Variants in TANC1 observed in about 807,000 individuals in gnomAD.
TANC1 encodes protein TANC1.
A neutral mutation model predicts 149.7 loss-of-function variants in TANC1; 77 were observed. That is an observed-to-expected ratio of 0.51 (90% confidence interval 0.43 to 0.62). TANC1 has a LOEUF of 0.62. Ranked by LOEUF, TANC1 falls within the 20% of genes least tolerant of loss-of-function variation. The probability of loss-of-function intolerance (pLI) is 0.00; values close to 1 mark genes in which losing one functional copy is unlikely to be tolerated. For missense variants in TANC1, 1,985 were observed against 2,321.8 expected, an observed-to-expected ratio of 0.85 and a Z score of 2.98; for synonymous variants, 854 against 925.0, an observed-to-expected ratio of 0.92 and a Z score of 1.39.
chr2:159,004,233 C>T, intron 2 of TANC1: 1 of 1,612,294 alleles, frequency 6.2e-7, no homozygotes, highest in Non-Finnish European at 8.5e-7. Context: ...CAGTAAAGCA[C>T]CAAAACCAGA....
At chr2:159,208,937 G>T (rs752353650) in intron 19 of TANC1, among the ~76,000 whole-genome samples, 1 of 152,228 alleles carries the variant, frequency 6.6e-6, no homozygotes, top group East Asian at 1.9e-4. Context: ...ACTGTAGGCA[G>T]CTATAACACA....
At chr2:159,143,204 G>A (rs2051621039) in intron 5 of TANC1, among the ~76,000 whole-genome samples, 2 of 152,004 alleles carry the variant, frequency 1.3e-5, no homozygotes, top group Admixed American at 6.6e-5. Flanking sequence ...CATTGAGCTT[G>A]ATGGTTTCCC....
At chr2:159,123,817 T>G (rs930603457) in intron 4 of TANC1, among the ~76,000 whole-genome samples, 1 of 152,176 alleles carries the variant, frequency 6.6e-6, no homozygotes, top group Non-Finnish European at 1.5e-5. Context: ...TTTACTTCGT[T>G]TAGGAAATGG....
intron 3 of TANC1, among the ~76,000 whole-genome samples, chr2:159,087,773 C>T (rs2045087915): frequency 6.6e-6 from 1 of 150,802 alleles, no homozygotes; most frequent in African/African-American, 2.4e-5. Flanking sequence ...AAGTCTCAAC[C>T]CTTGATACCT....
At chr2:158,987,041 TAA>T (rs528717919) in intron 1 of TANC1, among the ~76,000 whole-genome samples, 22 of 138,004 alleles carry the variant, frequency 1.6e-4, no homozygotes, top group African/African-American at 3.5e-4. Context: ...TGTCTCTACT[TAA>T]AAAAAAAAAA....
intron 3 of TANC1, among the ~76,000 whole-genome samples, chr2:159,072,477 T>G (rs2043236848): frequency 6.6e-6 from 1 of 152,226 alleles, no homozygotes; most frequent in African/African-American, 2.4e-5. Context: ...TTCTTAACCT[T>G]GATTAAACTA....
Position 159,134,343 on chromosome 2 carries a change from C to T in TANC1, c.260-1851C>T, listed in dbSNP as rs562000807. Among the ~76,000 whole-genome samples, 6 of 152,266 alleles carry T rather than the reference C, an allele frequency of 3.9e-5. No individual in the cohort carries two copies. In the South Asian group the frequency reaches 6.2e-4, roughly 16 times the overall value. On this transcript the variant is annotated intron_variant, in intron 4 of 26. Transcript: ENST00000263635. ...TTTTTGAGACAGGGTTTCACCCTGT[C>T]GCCCAGGCTAGAATGCAGTGGTGTG... is the stretch of plus-strand genomic sequence containing the variant.
chr2:159,229,357 G>T (rs1231883707), intron 26 of TANC1, among the ~76,000 whole-genome samples: 1 of 152,064 alleles, frequency 6.6e-6, no homozygotes, highest in East Asian at 1.9e-4. Context: ...GGTCTTTATG[G>T]AGAGCAGGGC....
Position 159,186,994 on chromosome 2 carries a change from T to C in TANC1, c.2712T>C (p.Ser904=), listed in dbSNP as rs763590805. The change falls in exon 16 of 27, where the codon TCT becomes TCC. Residue 904 remains serine, a synonymous_variant. Transcript: ENST00000263635. ...STEGLSAALA[S]LRNLYTPNVK... ...AGGGGCTGTCCGCCGCCCTGGCCTCTCTCAGGAATCTCTATACTCCCAACG... is the reference window on the plus strand; with the variant it reads ...AGGGGCTGTCCGCCGCCCTGGCCTCCCTCAGGAATCTCTATACTCCCAACG... 2.5e-6 allele frequency: 4 copies of C among 1,614,068 alleles called. No individual in the cohort carries two copies. The highest frequency in any genetic ancestry group is 3.4e-6 in the Non-Finnish European group (4 of 1,180,036).
chr2:159,106,579 G>A (rs1248955850), intron 4 of TANC1, among the ~76,000 whole-genome samples: 1 of 152,168 alleles, frequency 6.6e-6, no homozygotes. Context: ...TCTTCCATTG[G>A]TGGGTATTTT....
chr2:159,052,424 T>A (rs1006008225), intron 2 of TANC1, among the ~76,000 whole-genome samples: 1 of 152,168 alleles, frequency 6.6e-6, no homozygotes, highest in African/African-American at 2.4e-5. Flanking sequence ...CCTGCTAATG[T>A]GTGCCAATCA....
At chr2:159,178,407 T>C (rs1000649765) in intron 13 of TANC1, 149 bp from the exon 14 acceptor site, 8 of 905,098 alleles carry the variant, frequency 8.8e-6, no homozygotes, top group African/African-American at 3.4e-5. Flanking sequence ...CACCTTATCC[T>C]ATTACACGTT....
chr2:159,230,177 G>T lies in TANC1; in HGVS notation c.4751G>T (p.Gly1584Val), dbSNP rs2060262992. The T allele has an allele frequency of 6.2e-7, 1 of 1,613,990 alleles. No individual in the cohort carries two copies. Among genetic ancestry groups the T allele is most frequent in the Non-Finnish European group, 8.5e-7 (1 of 1,180,048 alleles). ...GGGAGCAGAACCCAGCATTTAGAGG[G>T]AACAGGTACTTTCACTACAAGAGCT... ...PAGSRTQHLE[G>V]TGTFTTRAGC... The change falls in exon 27 of 27, where the codon GGA (glycine) becomes GTA (valine). Residue 1584 changes from glycine (G) to valine (V), a missense_variant. By Grantham distance (109) the Gly-to-Val change is moderately radical. This residue lies in a region of TANC1 where 920 missense variants were observed against 994.7 expected (regional missense o/e 0.92). Transcript: ENST00000263635. The surrounding 1 kb of genome is among the most constrained non-coding windows in gnomAD (Gnocchi z 4.4).
chr2:159,117,124 A>G (rs1457014866), intron 4 of TANC1, among the ~76,000 whole-genome samples: 1 of 152,186 alleles, frequency 6.6e-6, no homozygotes, highest in Non-Finnish European at 1.5e-5. Context: ...TGAGGGTGAA[A>G]GGACTGTCAG....
intron 2 of TANC1, among the ~76,000 whole-genome samples, chr2:159,063,132 A>G (rs1255498943): frequency 1.3e-5 from 2 of 152,140 alleles, no homozygotes; most frequent in Admixed American, 1.3e-4. Context: ...TTGCAGACTA[A>G]GAAAGGAGCC....
At chr2:159,136,553 A>G (rs2050767344) in intron 5 of TANC1, among the ~76,000 whole-genome samples, 1 of 152,198 alleles carries the variant, frequency 6.6e-6, no homozygotes, top group Admixed American at 6.5e-5. Context: ...CTGAATTTTG[A>G]CCTACCAGGT....
chr2:159,094,621 C>T (rs1399847413), intron 3 of TANC1, among the ~76,000 whole-genome samples: 6 of 152,204 alleles, frequency 3.9e-5, no homozygotes, highest in South Asian at 4.1e-4. Flanking sequence ...TGGGAAAACT[C>T]GTGACCTGGC....
chr2:159,114,602 CAT>C (rs1038508668), intron 4 of TANC1, among the ~76,000 whole-genome samples: 1 of 152,130 alleles, frequency 6.6e-6, no homozygotes, highest in Non-Finnish European at 1.5e-5. Flanking sequence ...GAGCAAGAAA[CAT>C]ATATCAGACT....
chr2:158,983,688 A>G (rs996340051), intron 1 of TANC1, among the ~76,000 whole-genome samples: 6 of 152,210 alleles, frequency 3.9e-5, no homozygotes, highest in East Asian at 3.9e-4. Context: ...GAATAAGTCT[A>G]TTGTACTGTG....
Sources: allele counts gnomAD v4.1 joint callset (sites outside exome capture counted in the v4.1 genomes callset), GRCh38; gene constraint gnomAD v4.1.1; regional missense constraint gnomAD v4.1.1; non-coding constraint Gnocchi (gnomAD v3.1); transcripts MANE v1.5; gene names NCBI Gene and HGNC (gene_info 2026-07-23, HGNC 2026-07-21).